PTPRQ: variants seen among roughly 807,000 people sequenced by gnomAD.
PTPRQ encodes the protein phosphatidylinositol phosphatase PTPRQ.
Under a neutral mutation model 246.0 loss-of-function variants are expected in PTPRQ, and 199 were observed. The ratio of observed to expected loss-of-function variants is 0.81; its 90% CI spans 0.72 to 0.91. PTPRQ has a LOEUF of 0.91. Ranked by LOEUF, PTPRQ falls within the 40% of genes least tolerant of loss-of-function variation. PTPRQ has a pLI of 0.00. For synonymous variants in PTPRQ, 869 were observed against 853.2 expected, an observed-to-expected ratio of 1.02 and a Z score of -0.32; for missense variants, 2,624 against 2,528.4, an observed-to-expected ratio of 1.04 and a Z score of -0.81.
intron 25 of PTPRQ, among the ~76,000 whole-genome samples, chr12:80,569,272 C>G (rs1358951909): frequency 6.6e-6 from 1 of 150,834 alleles, no homozygotes; most frequent in Admixed American, 6.6e-5. Flanking sequence ...TCATCCATGT[C>G]CCTACAAAGG....
chr12:80,620,249 A>T lies in PTPRQ; in HGVS notation c.5485A>T (p.Thr1829Ser), dbSNP rs1200861564. The T allele has an allele frequency of 6.5e-7, 1 of 1,549,412 alleles. No homozygotes were observed. The highest frequency in any genetic ancestry group is 8.7e-7 in the Non-Finnish European group (1 of 1,145,490). The change falls in exon 32 of 45, where the codon ACA (threonine) becomes TCA (serine). Residue 1829 changes from threonine to serine, a missense_variant. Physicochemically the swap from Thr to Ser is moderately conservative, Grantham distance 58 (BLOSUM62 1). Coordinates refer to ENST00000644991, the MANE Select transcript of PTPRQ (RefSeq NM_001145026.2). Reference protein sequence around the residue: ...TNEGFPNPPCTEGKTKFSGNE... With the variant: ...TNEGFPNPPCSEGKTKFSGNE... ...TGAAGGCTTTCCTAACCCTCCATGTACAGAAGGAAAGACAAAGTTTAGTGG... is the reference window on the plus strand; with the variant it reads ...TGAAGGCTTTCCTAACCCTCCATGTTCAGAAGGAAAGACAAAGTTTAGTGG...
At chr12:80,637,308 G>A (rs930612970) in intron 35 of PTPRQ, among the ~76,000 whole-genome samples, 3 of 152,064 alleles carry the variant, frequency 2.0e-5, no homozygotes, top group Non-Finnish European at 2.9e-5. Flanking sequence ...TTATAATTCA[G>A]GGTCTACTTT....
chr12:80,623,199 C>A (rs775263255), intron 33 of PTPRQ, among the ~76,000 whole-genome samples: 3 of 152,152 alleles, frequency 2.0e-5, no homozygotes, highest in Admixed American at 6.6e-5. Flanking sequence ...CCATTTTTAG[C>A]CAGAAATTCT....
At chr12:80,551,938 T>C (rs1896486610) in intron 25 of PTPRQ, among the ~76,000 whole-genome samples, 1 of 152,058 alleles carries the variant, frequency 6.6e-6, no homozygotes, top group South Asian at 2.1e-4. Flanking sequence ...TTCCTTTAAC[T>C]GTATTATTAT....
intron 26 of PTPRQ, among the ~76,000 whole-genome samples, chr12:80,604,362 T>C (rs1325355575): frequency 6.6e-6 from 1 of 151,518 alleles, no homozygotes; most frequent in Non-Finnish European, 1.5e-5. Context: ...AAATTGAAAT[T>C]GTACACATAA....
At chr12:80,574,996 T>C (rs1897246352) in intron 25 of PTPRQ, among the ~76,000 whole-genome samples, 1 of 152,212 alleles carries the variant, frequency 6.6e-6, no homozygotes, top group Non-Finnish European at 1.5e-5. Flanking sequence ...AGCTGCGTTT[T>C]TTTTCCTTTT....
At chr12:80,513,646 C>T (rs144353835) in intron 17 of PTPRQ, among the ~76,000 whole-genome samples, 1 of 152,222 alleles carries the variant, frequency 6.6e-6, no homozygotes, top group Non-Finnish European at 1.5e-5. Flanking sequence ...AGGCAGAGAC[C>T]CGCCCTTCTC....
chr12:80,541,048 C>G (rs910009762), intron 20 of PTPRQ, among the ~76,000 whole-genome samples: 12 of 151,934 alleles, frequency 7.9e-5, no homozygotes, highest in African/African-American at 2.9e-4. Flanking sequence ...AGTCTGGTGA[C>G]TGGAGAGATT....
chr12:80,561,761 AT>A (rs1896834164), intron 25 of PTPRQ, among the ~76,000 whole-genome samples: 2 of 151,756 alleles, frequency 1.3e-5, no homozygotes, highest in African/African-American at 4.8e-5. Context: ...TTCCTTTCTC[AT>A]CTGTATGCCT....
Position 80,555,162 on chromosome 12 carries a change from T to C in PTPRQ, c.4285+5428T>C, listed in dbSNP as rs550416410. ...AACTCCTGACTTCATGTGATCTACC[T>C]GCCTCGGCCTCCCAAAATGCTGGTA... On this transcript the variant is annotated intron_variant, in intron 25 of 44. Transcript: ENST00000644991. 1.8e-4 allele frequency among the ~76,000 whole-genome samples: 28 copies of C among 152,252 alleles called. No homozygotes were observed. The South Asian group carries it at 5.8e-3, about 32-fold the overall frequency.
intron 43 of PTPRQ, 120 bp downstream of exon 43, chr12:80,673,424 T>C (rs2058955883): frequency 8.5e-6 from 12 of 1,411,534 alleles, no homozygotes; most frequent in East Asian, 2.7e-5. Flanking sequence ...TTTCCTACAT[T>C]ATAAGCCTTT....
Position 80,610,537 on chromosome 12 carries a change from A to G in PTPRQ, c.4830A>G (p.Val1610=), listed in dbSNP as rs1898510473. Residue 1610 remains valine (V), a synonymous_variant, in exon 28 of 45, where the codon GTA becomes GTG. Coordinates refer to ENST00000644991, the MANE Select transcript of PTPRQ (RefSeq NM_001145026.2). ...KDLEIFTRYS[V]VITAFTGNIS... ...TAGAAATATTCACAAGGTATTCTGT[A>G]GTGATCACTGCATTTACTGGGAACA... 1 of 1,542,882 alleles carries G rather than the reference A, an allele frequency of 6.5e-7. No individual in the cohort carries two copies. Among genetic ancestry groups the G allele is most frequent in the African/African-American group, 1.4e-5 (1 of 72,368 alleles).
chr12:80,613,407 G>T (rs1366879344), intron 28 of PTPRQ, among the ~76,000 whole-genome samples, 185 bp from the exon 29 acceptor site: 1 of 150,608 alleles, frequency 6.6e-6, no homozygotes, highest in African/African-American at 2.4e-5. Flanking sequence ...CACCATTATG[G>T]TTGCTGTGAA....
intron 25 of PTPRQ, among the ~76,000 whole-genome samples, chr12:80,557,751 A>G (rs1420738055): frequency 1.3e-5 from 2 of 152,170 alleles, no homozygotes; most frequent in Non-Finnish European, 2.9e-5. Flanking sequence ...ACATCTCTCA[A>G]GTAGTGACAT....
chr12:80,527,459 A>G (rs61951990), intron 17 of PTPRQ, among the ~76,000 whole-genome samples: 6,821 of 152,184 alleles, frequency 0.045, 174 homozygotes, highest in Middle Eastern at 0.088. Context: ...TACAAAATTG[A>G]TAAGTTCTCA....
intron 33 of PTPRQ, among the ~76,000 whole-genome samples, chr12:80,624,599 A>G (rs1194176881): frequency 3.9e-5 from 6 of 152,184 alleles, no homozygotes; most frequent in African/African-American, 1.4e-4. Context: ...TTCCTCAATG[A>G]CTAGCAAAGC....
In PTPRQ at chr12:80,507,005, C is replaced by T. The variant is rs574614239; in HGVS notation, c.2557+335C>T. On this transcript the variant is annotated intron_variant, in intron 16 of 44. Transcript: ENST00000644991. The stretch of plus-strand genomic sequence containing the variant: ...TCATGACTGAGTTTTTCAACTTTTA[C>T]ATTTTTAAGAATAGACATTAACATG... 2.6e-5 allele frequency among the ~76,000 whole-genome samples: 4 copies of T among 152,066 alleles called. No homozygotes were observed. The East Asian group carries it at 7.7e-4, about 29-fold the overall frequency.
chr12:80,467,273 C>T (rs1322390981), intron 6 of PTPRQ, among the ~76,000 whole-genome samples: 4 of 151,990 alleles, frequency 2.6e-5, no homozygotes, highest in Admixed American at 2.6e-4. Flanking sequence ...CCATCACTGG[C>T]CATCAGATAA....
At chr12:80,483,339 A>G (rs1894142700) in intron 8 of PTPRQ, among the ~76,000 whole-genome samples, 1 of 137,128 alleles carries the variant, frequency 7.3e-6, no homozygotes, top group South Asian at 2.5e-4. Context: ...GATCACATGG[A>G]CACAGGAAGG....
Sources: gnomAD v4.1 joint callset for allele counts (sites outside exome capture counted in the v4.1 genomes callset) on GRCh38, gnomAD v4.1.1 for gene constraint, MANE v1.5 for transcripts, NCBI Gene and HGNC (gene_info 2026-07-23, HGNC 2026-07-21) for gene names.